Variants in DGKB observed in about 807,000 individuals in gnomAD.
The protein encoded by DGKB is 90 kDa diacylglycerol kinase.
In DGKB, 67 loss-of-function variants were observed where a neutral mutation model predicts 114.3. That is an observed-to-expected ratio of 0.59 (90% CI 0.48 to 0.72). The LOEUF (loss-of-function observed/expected upper bound fraction) is 0.72. Among genes scored for constraint, DGKB ranks in the 30% least tolerant of loss-of-function variants. The pLI is 0.00. For synonymous variants in DGKB, 398 were observed against 323.1 expected, an observed-to-expected ratio of 1.23 and a Z score of -2.49; for missense variants, 907 against 975.2, an observed-to-expected ratio of 0.93 and a Z score of 0.93.
At chr7:14,668,649 C>G (rs1447330861) in intron 13 of DGKB, among the ~76,000 whole-genome samples, 1 of 152,136 alleles carries the variant, frequency 6.6e-6, no homozygotes, top group Non-Finnish European at 1.5e-5. Context: ...ACCTCACTCA[C>G]TCTCAACCTG....
At chr7:14,761,351 A>G (rs1835671515) in intron 2 of DGKB, among the ~76,000 whole-genome samples, 1 of 152,184 alleles carries the variant, frequency 6.6e-6, no homozygotes, top group Admixed American at 6.6e-5. Context: ...GTCTTCTTGG[A>G]CACCCAAATT....
At chr7:14,378,630 T>C (rs1563057924) in intron 21 of DGKB, among the ~76,000 whole-genome samples, 1 of 152,176 alleles carries the variant, frequency 6.6e-6, no homozygotes, top group Non-Finnish European at 1.5e-5. Context: ...CTCTCCTAGC[T>C]ACATTGATAA....
intron 20 of DGKB, among the ~76,000 whole-genome samples, chr7:14,561,573 T>A (rs1796664650): frequency 6.6e-6 from 1 of 152,144 alleles, no homozygotes; most frequent in Non-Finnish European, 1.5e-5. Context: ...AAGATAGTGA[T>A]ATGGACAATA....
intron 20 of DGKB, among the ~76,000 whole-genome samples, chr7:14,490,886 G>C (rs1784500089): frequency 1.3e-5 from 2 of 151,642 alleles, no homozygotes; most frequent in South Asian, 2.1e-4. Flanking sequence ...TATTTATATA[G>C]AGCTGTGTGA....
chr7:14,344,282 A>G (rs2128589811), intron 22 of DGKB, among the ~76,000 whole-genome samples: 1 of 151,574 alleles, frequency 6.6e-6, no homozygotes, highest in African/African-American at 2.4e-5. Context: ...ATACTTAATT[A>G]TATTTACCAA....
At chr7:14,274,836 C>T (rs1798759030) in intron 23 of DGKB, among the ~76,000 whole-genome samples, 1 of 146,412 alleles carries the variant, frequency 6.8e-6, no homozygotes, top group Non-Finnish European at 1.5e-5. Flanking sequence ...TTCATTACCT[C>T]ATCTACACTT....
chr7:14,262,603 C>T (rs572901333), intron 23 of DGKB, among the ~76,000 whole-genome samples: 1 of 152,208 alleles, frequency 6.6e-6, no homozygotes, highest in Admixed American at 6.5e-5. Flanking sequence ...CAAACTGACA[C>T]AGATGGGACC....
chr7:14,307,820 A>G (rs6963592), intron 23 of DGKB, among the ~76,000 whole-genome samples: 132 of 152,214 alleles, frequency 8.7e-4, no homozygotes, highest in African/African-American at 3.0e-3. Context: ...AATCTCATAT[A>G]AGCTCTAGCT....
chr7:14,185,145 G>C (rs1400277190), intron 23 of DGKB, among the ~76,000 whole-genome samples: 3 of 152,134 alleles, frequency 2.0e-5, no homozygotes, highest in Non-Finnish European at 4.4e-5. Context: ...CCTCCAGAAA[G>C]CTCCTAGAAT....
At chr7:14,834,484 G>A (rs950190530) in intron 2 of DGKB, among the ~76,000 whole-genome samples, 5 of 152,184 alleles carry the variant, frequency 3.3e-5, no homozygotes, top group Non-Finnish European at 5.9e-5. Flanking sequence ...AAATATTAGC[G>A]TATCACTTGC....
chr7:14,738,013 A>T (rs1490045501), intron 4 of DGKB, among the ~76,000 whole-genome samples: 1 of 152,248 alleles, frequency 6.6e-6, no homozygotes, highest in Non-Finnish European at 1.5e-5. Flanking sequence ...ACTTCCAAAA[A>T]AGCAATTTGC....
At position 14,607,486 on chromosome 7, in the gene DGKB, G is replaced by C; in HGVS notation, c.1381C>G (p.Leu461Val). ...GERIYRKFQY[L>V]LNPRQVYSLS... is the part of the protein sequence containing the mutation. Reference sequence around the variant, plus strand: ...CTGTAAACCTGACGAGGATTTAATAGATACTGGAATTTTCTGTAAATTCTA... The same window carrying C: ...CTGTAAACCTGACGAGGATTTAATACATACTGGAATTTTCTGTAAATTCTA... Residue 461 changes from leucine (L) to valine (V), a missense_variant, in exon 17 of 26, where the codon CTA becomes GTA. This residue lies in a region of DGKB where 814 missense variants were observed against 856.6 expected (regional missense o/e 0.95). Coordinates refer to ENST00000402815, the MANE Select transcript of DGKB (RefSeq NM_001350709.2). 6.3e-6 allele frequency: 10 copies of C among 1,580,560 alleles called. No individual in the cohort carries two copies. Among genetic ancestry groups the C allele is most frequent in the Non-Finnish European group, 8.7e-6 (10 of 1,152,434 alleles).
intron 13 of DGKB, among the ~76,000 whole-genome samples, chr7:14,635,505 A>G (rs1217786421): frequency 6.6e-6 from 1 of 151,474 alleles, no homozygotes; most frequent in East Asian, 2.0e-4. Flanking sequence ...CTTTCCAAAG[A>G]CTGAGCAAAG....
At chr7:14,863,109 ATTTTT>A (rs1168182631) in intron 1 of DGKB, among the ~76,000 whole-genome samples, 1 of 141,398 alleles carries the variant, frequency 7.1e-6, no homozygotes, top group Non-Finnish European at 1.5e-5. Context: ...TTTTTAATTT[ATTTTT>A]ATGTGGTAAA....
chr7:14,151,979 G>A (rs2128213124), intron 25 of DGKB, among the ~76,000 whole-genome samples: 1 of 152,078 alleles, frequency 6.6e-6, no homozygotes, highest in South Asian at 2.1e-4. Context: ...GTAGGCTCTA[G>A]GAAGCTGCAG....
At chr7:14,683,347 C>A (rs912612801) in intron 10 of DGKB, among the ~76,000 whole-genome samples, 3 of 152,132 alleles carry the variant, frequency 2.0e-5, no homozygotes, top group African/African-American at 7.2e-5. Context: ...CATGCCAGGC[C>A]TTTGGTGAAA....
At chr7:14,230,974 A>G (rs923013206) in intron 23 of DGKB, among the ~76,000 whole-genome samples, 7 of 152,034 alleles carry the variant, frequency 4.6e-5, no homozygotes, top group African/African-American at 1.7e-4. Flanking sequence ...CTTGACTACT[A>G]TTATGCTGTG....
intron 1 of DGKB, among the ~76,000 whole-genome samples, chr7:14,877,049 T>C (rs1265975030): frequency 1.3e-5 from 2 of 152,154 alleles, no homozygotes; most frequent in African/African-American, 4.8e-5. Flanking sequence ...ATGTGGAAAA[T>C]ACATAAAAGA....
chr7:14,264,257 C>T (rs1043229959), intron 23 of DGKB, among the ~76,000 whole-genome samples: 3 of 152,174 alleles, frequency 2.0e-5, no homozygotes, highest in African/African-American at 7.2e-5. Flanking sequence ...AGATAATTCA[C>T]AGCTCTTCTT....
Sources: allele counts gnomAD v4.1 joint callset (sites outside exome capture counted in the v4.1 genomes callset), GRCh38; gene constraint gnomAD v4.1.1; regional missense constraint gnomAD v4.1.1; transcripts MANE v1.5; gene names NCBI Gene and HGNC (gene_info 2026-07-23, HGNC 2026-07-21).